Variants in USP25 observed in about 807,000 individuals in gnomAD.
USP25 encodes ubiquitin specific peptidase 25.
Under a neutral mutation model 158.5 loss-of-function variants are expected in USP25, and 85 were observed. The ratio of observed to expected loss-of-function variants is 0.54; its 90% CI spans 0.45 to 0.64. USP25 has a LOEUF of 0.64. Ranked by LOEUF, USP25 falls within the 30% of genes least tolerant of loss-of-function variation. The pLI is 0.00. For synonymous variants in USP25, 464 were observed against 460.4 expected (o/e 1.01, Z -0.10); for missense variants, 1,242 against 1,327.3 (o/e 0.94, Z 1.00).
intron 23 of USP25, among the ~76,000 whole-genome samples, chr21:15,873,104 A>G (rs978438449): frequency 2.0e-5 from 3 of 151,402 alleles, no homozygotes; most frequent in Non-Finnish European, 4.4e-5. Context: ...TTTTTCTTCC[A>G]TTTTTGTTTT....
In USP25 at chr21:15,815,372, G is replaced by GT. The variant is rs573075045; in HGVS notation, c.932-3325dup. ...TACTGGGGCACCACCTAGTGGAACT[G>GT]TGAGAAGAAGGCCACTGTCCTCCAG... On this transcript the variant is annotated intron_variant, in intron 9 of 25. Coordinates refer to ENST00000400183, the MANE Select transcript of USP25 (RefSeq NM_001283041.3). Among the ~76,000 whole-genome samples, 13 of 152,324 alleles carry GT rather than the reference G, an allele frequency of 8.5e-5. No homozygotes were observed. The South Asian group carries it at 2.7e-3, about 32-fold the overall frequency.
At chr21:15,867,445 G>A (rs1470089149) in intron 22 of USP25, among the ~76,000 whole-genome samples, 3 of 152,008 alleles carry the variant, frequency 2.0e-5, no homozygotes, top group Admixed American at 1.3e-4. Flanking sequence ...ACTAAAGAGT[G>A]TCTCTAAAAA....
At chr21:15,877,769 C>G in intron 24 of USP25, 27 bp from the exon 25 acceptor site, 1 of 1,335,526 alleles carries the variant, frequency 7.5e-7, no homozygotes, top group Non-Finnish European at 1.0e-6. Context: ...AAAACCTATT[C>G]TTTTTTTTTT....
At chr21:15,801,156 T>C (rs1042496281) in intron 6 of USP25, among the ~76,000 whole-genome samples, 1 of 151,644 alleles carries the variant, frequency 6.6e-6, no homozygotes, top group East Asian at 1.9e-4. Flanking sequence ...TAGTTAGGTA[T>C]GCATGTATGT....
chr21:15,779,693 G>A (rs1386877684), intron 4 of USP25, among the ~76,000 whole-genome samples: 3 of 151,720 alleles, frequency 2.0e-5, no homozygotes, highest in Non-Finnish European at 4.4e-5. Context: ...TATCCAAAAT[G>A]GCAAAAGAAA....
intron 5 of USP25, among the ~76,000 whole-genome samples, chr21:15,796,664 A>G (rs1169164140): frequency 6.6e-6 from 1 of 151,478 alleles, no homozygotes; most frequent in African/African-American, 2.4e-5. Flanking sequence ...TTATCTCAGA[A>G]TTTATTGGAT....
chr21:15,826,938 T>C lies in USP25; in HGVS notation c.1467-39T>C, dbSNP rs771007359. ...CACGATCTTTGTCAAGAGTTTCAGC[T>C]TGAAAGGTTAATAAGAAATACTCTA... On this transcript the variant is annotated intron_variant, in intron 13 of 25. Transcript: ENST00000400183. This position sits in a 1 kb window ranked among gnomAD's most constrained non-coding sequence, Gnocchi z 4.8. The C allele has an allele frequency of 1.2e-6, 2 of 1,600,886 alleles. No homozygotes were observed. The highest frequency in any genetic ancestry group is 1.7e-6 in the Non-Finnish European group (2 of 1,173,976).
At chr21:15,739,432 T>TA (rs1389963583) in intron 1 of USP25, among the ~76,000 whole-genome samples, 2 of 152,304 alleles carry the variant, frequency 1.3e-5, no homozygotes, top group African/African-American at 4.8e-5. Flanking sequence ...GACCTTTGTT[T>TA]AAGCTTTCAC....
At chr21:15,751,536 T>C (rs456899) in intron 1 of USP25, among the ~76,000 whole-genome samples, 5,836 of 152,304 alleles carry the variant, frequency 0.038, 167 homozygotes, top group Non-Finnish European at 0.054. Flanking sequence ...AAAGATTTAA[T>C]TGGACAAGAG....
intron 2 of USP25, 55 bp downstream of exon 2, chr21:15,763,023 G>T (rs754309985): frequency 7.5e-6 from 11 of 1,466,466 alleles, no homozygotes; most frequent in Middle Eastern, 1.8e-4. Flanking sequence ...TCTCTAGTGC[G>T]TATTATATTT....
intron 22 of USP25, among the ~76,000 whole-genome samples, chr21:15,868,261 C>G (rs1346586417): frequency 6.6e-6 from 1 of 152,066 alleles, no homozygotes; most frequent in African/African-American, 2.4e-5. Flanking sequence ...ATATTTTTGA[C>G]CAGGATATGT....
At position 15,877,701 on chromosome 21, in the gene USP25, C is replaced by G. The variant is rs2040151761; in HGVS notation, c.3010-95C>G. ...CGTTTGTTCTAATACTGTTTGTGAA[C>G]ATATTTATGTTGTCTTCCTTATTAA... On this transcript the variant is annotated intron_variant, in intron 24 of 25. Coordinates refer to ENST00000400183, the MANE Select transcript of USP25 (RefSeq NM_001283041.3). The G allele has an allele frequency of 6.9e-6, 6 of 865,196 alleles. No individual in the cohort carries two copies. The Admixed American group carries it at 8.5e-5, about 12-fold the overall frequency. 53.6% of individuals were successfully genotyped at this position (865,196 alleles called of 1,614,324 possible).
intron 3 of USP25, among the ~76,000 whole-genome samples, chr21:15,768,090 G>A (rs2034145548): frequency 6.6e-6 from 1 of 151,952 alleles, no homozygotes; most frequent in Non-Finnish European, 1.5e-5. Flanking sequence ...AAATATTCAC[G>A]AGGTAATTTT....
At chr21:15,776,146 C>G (rs944469324) in intron 3 of USP25, among the ~76,000 whole-genome samples, 1 of 152,190 alleles carries the variant, frequency 6.6e-6, no homozygotes, top group Admixed American at 6.5e-5. Context: ...TTACACTCAT[C>G]TTCAGCTGTG....
chr21:15,859,686 G>T (rs2039331608), intron 20 of USP25, among the ~76,000 whole-genome samples: 1 of 151,958 alleles, frequency 6.6e-6, no homozygotes, highest in Non-Finnish European at 1.5e-5. Context: ...AGCAGTTCTG[G>T]TAGTTTATAT....
chr21:15,835,565 C>T (rs192127259), intron 17 of USP25, among the ~76,000 whole-genome samples: 364 of 152,198 alleles, frequency 2.4e-3, no homozygotes, highest in African/African-American at 8.3e-3. Flanking sequence ...AGGTATTGGA[C>T]ATATATTTTC....
chr21:15,740,641 GTTTTTTTT>G (rs60616271), intron 1 of USP25, among the ~76,000 whole-genome samples: 1,271 of 41,302 alleles, frequency 0.031, 29 homozygotes, highest in African/African-American at 0.044. Context: ...CTTTCTGGCT[GTTTTTTTT>G]TTTTTTTTTT....
intron 5 of USP25, among the ~76,000 whole-genome samples, chr21:15,795,938 G>T (rs2035841263): frequency 1.3e-5 from 2 of 151,190 alleles, no homozygotes; most frequent in South Asian, 4.2e-4. Flanking sequence ...TCCACTGTAG[G>T]CAGTTTATGT....
At chr21:15,856,003 G>A (rs557084292) in intron 20 of USP25, among the ~76,000 whole-genome samples, 75 of 152,188 alleles carry the variant, frequency 4.9e-4, no homozygotes, top group Admixed American at 2.6e-4. Context: ...TCCCTCTCAT[G>A]GTATTTTGTT....
Sources: gnomAD v4.1 joint callset for allele counts (sites outside exome capture counted in the v4.1 genomes callset) on GRCh38, gnomAD v4.1.1 for gene constraint, Gnocchi (gnomAD v3.1) non-coding constraint, MANE v1.5 for transcripts, NCBI Gene and HGNC (gene_info 2026-07-23, HGNC 2026-07-21) for gene names.